UBE2E2: variants seen among roughly 807,000 people sequenced by gnomAD.
The protein encoded by UBE2E2 is ubiquitin-conjugating enzyme E2 E2.
In UBE2E2, 6 loss-of-function variants were observed where a neutral mutation model predicts 24.7. The observed-to-expected ratio is 0.24, with a 90% CI of 0.13 to 0.48. UBE2E2 has a LOEUF of 0.48. UBE2E2 is among the 20% of genes least tolerant of loss of function. The pLI is 0.99. For missense variants in UBE2E2, 169 were observed against 245.0 expected, an observed-to-expected ratio of 0.69 and a Z score of 2.07; for synonymous variants, 104 against 83.6, an observed-to-expected ratio of 1.24 and a Z score of -1.33.
In UBE2E2 at chr3:23,494,736, C is replaced by CT. The variant is rs1298763072; in HGVS notation, c.228-4862dup. Among the ~76,000 whole-genome samples the CT allele has an allele frequency of 2.6e-3, 380 of 148,688 alleles. 2 individuals carry two copies. Among genetic ancestry groups the CT allele is most frequent in the East Asian group, 0.016 (81 of 5,114 alleles). ...TAGTATTAGTTTTATATGCTTTTTT[C>CT]TTTTTTTTTTGAGAGTCTCACTCTG... On this transcript the variant is annotated intron_variant, in intron 3 of 5. Transcript: ENST00000396703.
chr3:23,390,991 A>G (rs917857421), intron 3 of UBE2E2, among the ~76,000 whole-genome samples: 1 of 152,268 alleles, frequency 6.6e-6, no homozygotes, highest in Non-Finnish European at 1.5e-5. Flanking sequence ...ATGGTTATAT[A>G]ACAACTAATA....
Position 23,389,304 on chromosome 3 carries a change from T to G in UBE2E2, c.228-110304T>G, listed in dbSNP as rs537158854. On this transcript the variant is annotated intron_variant, in intron 3 of 5. Coordinates refer to ENST00000396703, the MANE Select transcript of UBE2E2 (RefSeq NM_152653.4). ...AGCAAGCTCTGTGAGTTGTGCTTCC[T>G]TATTGTCATGGATCTCTTTTCATGG... Among the ~76,000 whole-genome samples, 4 of 152,342 alleles carry G rather than the reference T, an allele frequency of 2.6e-5. No individual in the cohort carries two copies. In the South Asian group the frequency reaches 6.2e-4, roughly 24 times the overall value.
At chr3:23,517,920 T>A (rs572795444) in intron 4 of UBE2E2, among the ~76,000 whole-genome samples, 1 of 152,282 alleles carries the variant, frequency 6.6e-6, no homozygotes, top group African/African-American at 2.4e-5. Flanking sequence ...TACTTCAGAT[T>A]TCTTTTAGGG....
At chr3:23,511,948 A>G (rs1051083684) in intron 4 of UBE2E2, among the ~76,000 whole-genome samples, 2 of 152,176 alleles carry the variant, frequency 1.3e-5, no homozygotes, top group Non-Finnish European at 2.9e-5. Context: ...AATGGACTAA[A>G]TGACTTTTTT....
chr3:23,390,165 C>G (rs1191448241), intron 3 of UBE2E2, among the ~76,000 whole-genome samples: 1 of 152,050 alleles, frequency 6.6e-6, no homozygotes, highest in Non-Finnish European at 1.5e-5. Context: ...GGGCAGTTCC[C>G]CAGCAAAGGC....
At chr3:23,444,946 G>A (rs1698393448) in intron 3 of UBE2E2, among the ~76,000 whole-genome samples, 1 of 152,112 alleles carries the variant, frequency 6.6e-6, no homozygotes, top group Admixed American at 6.6e-5. Context: ...GTTCAGATTA[G>A]GTATTAATTC....
intron 3 of UBE2E2, among the ~76,000 whole-genome samples, chr3:23,375,080 TA>T (rs879618632): frequency 0.011 from 1,666 of 149,382 alleles, 20 homozygotes; most frequent in African/African-American, 0.03. Context: ...TCATGAGATA[TA>T]AAAAAAAAAT....
intron 5 of UBE2E2, among the ~76,000 whole-genome samples, chr3:23,543,099 A>T (rs1179994973): frequency 6.6e-6 from 1 of 152,190 alleles, no homozygotes; most frequent in African/African-American, 2.4e-5. Flanking sequence ...GGATCACTTG[A>T]AGCCAGGAGT....
At chr3:23,355,960 C>T (rs942094315) in intron 3 of UBE2E2, among the ~76,000 whole-genome samples, 2 of 152,196 alleles carry the variant, frequency 1.3e-5, no homozygotes, top group Admixed American at 1.3e-4. Context: ...TCTTGTTTTA[C>T]ACAGGAGGCT....
intron 3 of UBE2E2, among the ~76,000 whole-genome samples, chr3:23,241,597 C>T (rs976687695): frequency 6.6e-5 from 10 of 152,216 alleles, no homozygotes; most frequent in African/African-American, 1.7e-4. Context: ...AATGTCATCT[C>T]GGTGAGGCTA....
intron 3 of UBE2E2, among the ~76,000 whole-genome samples, chr3:23,403,420 T>C (rs1697278209): frequency 6.6e-6 from 1 of 152,214 alleles, no homozygotes; most frequent in Non-Finnish European, 1.5e-5. Flanking sequence ...GAAAGTTCTT[T>C]GTTGGTTCTG....
rs76693068 is a variant in UBE2E2, at chr3:23,362,967, G to A, written c.228-136641G>A. 6.5e-4 allele frequency among the ~76,000 whole-genome samples: 99 copies of A among 152,216 alleles called. 5 individuals are homozygous for A. The East Asian group carries it at 0.016, about 24-fold the overall frequency. On this transcript the variant is annotated intron_variant, in intron 3 of 5. Coordinates refer to ENST00000396703, the MANE Select transcript of UBE2E2 (RefSeq NM_152653.4). ...AGGCTTTTCAGCAAAAGCCCTACAA[G>A]TCAGAAGAGATTGGGGGGTCTATAT...
chr3:23,552,632 GTTGA>G (rs1431873495), intron 5 of UBE2E2, among the ~76,000 whole-genome samples: 4 of 152,160 alleles, frequency 2.6e-5, no homozygotes, highest in African/African-American at 9.7e-5. Context: ...CCACTCTACA[GTTGA>G]TTGTCTTTGT....
chr3:23,246,641 C>T (rs1211156653), intron 3 of UBE2E2, among the ~76,000 whole-genome samples: 2 of 152,110 alleles, frequency 1.3e-5, no homozygotes, highest in African/African-American at 4.8e-5. Flanking sequence ...GCCTCAGCCT[C>T]CCAGAGTGCT....
chr3:23,282,526 T>C (rs899763714), intron 3 of UBE2E2, among the ~76,000 whole-genome samples: 3 of 152,164 alleles, frequency 2.0e-5, no homozygotes, highest in Non-Finnish European at 4.4e-5. Flanking sequence ...TCCAGCAAGT[T>C]TGTATTCACT....
chr3:23,578,872 A>G (rs1696403780), intron 5 of UBE2E2, among the ~76,000 whole-genome samples: 1 of 152,190 alleles, frequency 6.6e-6, no homozygotes, highest in African/African-American at 2.4e-5. Context: ...CCACCATGGC[A>G]CGTGTTTATC....
At chr3:23,543,525 G>A (rs1250018425) in intron 5 of UBE2E2, among the ~76,000 whole-genome samples, 1 of 147,486 alleles carries the variant, frequency 6.8e-6, no homozygotes, top group Non-Finnish European at 1.5e-5. Flanking sequence ...GGATGTCTGT[G>A]AGGAATACTA....
At position 23,265,341 on chromosome 3, in the gene UBE2E2, C is replaced by T. The variant is rs796421232; in HGVS notation, c.227+48029C>T. 1.1e-4 allele frequency among the ~76,000 whole-genome samples: 16 copies of T among 152,216 alleles called. 1 individual carries two copies. Among genetic ancestry groups the T allele is most frequent in the African/African-American group, 3.6e-4 (15 of 41,542 alleles). The stretch of plus-strand genomic sequence containing the variant: ...TGTCTTTCTCACTTCAGTTCCCTCA[C>T]CCTCCCCACATGGTAGTGTGGTTTA... On this transcript the variant is annotated intron_variant, in intron 3 of 5. Transcript: ENST00000396703.
chr3:23,489,733 C>T (rs1473176733), intron 3 of UBE2E2, among the ~76,000 whole-genome samples: 1 of 152,142 alleles, frequency 6.6e-6, no homozygotes, highest in Non-Finnish European at 1.5e-5. Context: ...TAACAGGCCA[C>T]GGACTGGTAC....
Sources: gnomAD v4.1 joint callset for allele counts (sites outside exome capture counted in the v4.1 genomes callset) on GRCh38, gnomAD v4.1.1 for gene constraint, MANE v1.5 for transcripts, NCBI Gene and HGNC (gene_info 2026-07-23, HGNC 2026-07-21) for gene names.